Variants in SPOCK1 observed in about 807,000 individuals in gnomAD.
SPOCK1 encodes SPARC (osteonectin), cwcv and kazal like domains proteoglycan 1, also known as testican-1.
In SPOCK1, 23 loss-of-function variants were observed where a neutral mutation model predicts 55.3. That is an observed-to-expected ratio of 0.42 (90% CI 0.30 to 0.59). The LOEUF is 0.59. Ranked by LOEUF, SPOCK1 falls within the 20% of genes least tolerant of loss-of-function variation. The pLI, the probability that SPOCK1 is intolerant of heterozygous loss-of-function variation, is 0.22. For missense variants in SPOCK1, 499 were observed against 552.5 expected, an observed-to-expected ratio of 0.90 and a Z score of 0.97; for synonymous variants, 226 against 221.0, an observed-to-expected ratio of 1.02 and a Z score of -0.20.
intron 2 of SPOCK1, among the ~76,000 whole-genome samples, chr5:137,386,677 A>G (rs1751605006): frequency 6.6e-6 from 1 of 152,208 alleles, no homozygotes; most frequent in South Asian, 2.1e-4. Context: ...TCACAGACCT[A>G]TGTGTAAAAT....
intron 6 of SPOCK1, among the ~76,000 whole-genome samples, chr5:137,032,279 A>G (rs1397911406): frequency 1.3e-5 from 2 of 152,178 alleles, no homozygotes; most frequent in Non-Finnish European, 2.9e-5. Flanking sequence ...GAATCCCAGT[A>G]GGTTAGCGTG....
rs546656648 is a variant in SPOCK1 at position 137,133,418 on chromosome 5, C to T, written c.347+7162G>A. ...TTGTAAAGGGGGACCCCCAGCCTAGCGAATTTGCCTGACAATGTGCAATAT... is the reference window on the plus strand; with the variant it reads ...TTGTAAAGGGGGACCCCCAGCCTAGTGAATTTGCCTGACAATGTGCAATAT... On this transcript the variant is annotated intron_variant, in intron 4 of 10. Transcript: ENST00000394945. Among the ~76,000 whole-genome samples the T allele has an allele frequency of 1.7e-3, 257 of 152,010 alleles. 1 individual carries two copies. The highest frequency in any genetic ancestry group is 5.9e-3 in the African/African-American group (245 of 41,478).
chr5:137,274,388 C>T (rs534408531), intron 2 of SPOCK1, among the ~76,000 whole-genome samples: 1 of 152,322 alleles, frequency 6.6e-6, no homozygotes, highest in African/African-American at 2.4e-5. Context: ...CACTCACCAG[C>T]TATGTGGCCT....
At chr5:137,257,854 T>A (rs1247031239) in intron 3 of SPOCK1, among the ~76,000 whole-genome samples, 1 of 152,122 alleles carries the variant, frequency 6.6e-6, no homozygotes, top group South Asian at 2.1e-4. Context: ...AACACATCCT[T>A]TGAGTGATTT....
chr5:137,356,826 T>TAG (rs1750819003), intron 2 of SPOCK1, among the ~76,000 whole-genome samples: 7 of 19,350 alleles, frequency 3.6e-4, no homozygotes, highest in African/African-American at 7.4e-4. Flanking sequence ...TATATATATA[T>TAG]ATATATATAT....
chr5:136,979,654 G>A (rs115958281), intron 9 of SPOCK1, among the ~76,000 whole-genome samples, 185 bp from the exon 10 acceptor site: 4,074 of 152,234 alleles, frequency 0.027, 58 homozygotes, highest in African/African-American at 0.03. Flanking sequence ...GCCCAAACGC[G>A]ATGAGCTCTA....
intron 4 of SPOCK1, among the ~76,000 whole-genome samples, chr5:137,116,041 G>A (rs1201816171): frequency 6.6e-6 from 1 of 152,154 alleles, no homozygotes; most frequent in Non-Finnish European, 1.5e-5. Flanking sequence ...TTTAGTCTGA[G>A]AGCAGGTTCT....
chr5:137,095,812 C>T (rs922227934), intron 5 of SPOCK1, among the ~76,000 whole-genome samples: 1 of 152,210 alleles, frequency 6.6e-6, no homozygotes, highest in East Asian at 1.9e-4. Flanking sequence ...TTCTGAGTGA[C>T]TGAAATAGCA....
chr5:137,001,067 C>T (rs1488448045), intron 6 of SPOCK1, among the ~76,000 whole-genome samples: 1 of 152,120 alleles, frequency 6.6e-6, no homozygotes. Context: ...GAACGCAGAT[C>T]CCAGTGGTGC....
intron 2 of SPOCK1, among the ~76,000 whole-genome samples, chr5:137,331,861 T>C (rs1370303760): frequency 6.6e-6 from 1 of 152,096 alleles, no homozygotes; most frequent in East Asian, 1.9e-4. Context: ...CATATCAACC[T>C]GCCGCAGCAC....
intron 2 of SPOCK1, among the ~76,000 whole-genome samples, chr5:137,380,101 C>G (rs1751431112): frequency 6.6e-6 from 1 of 152,196 alleles, no homozygotes. Flanking sequence ...AGACCGACAG[C>G]TTGGTGGAGC....
intron 2 of SPOCK1, among the ~76,000 whole-genome samples, chr5:137,346,249 T>C (rs1252349530): frequency 6.6e-6 from 1 of 152,208 alleles, no homozygotes; most frequent in Non-Finnish European, 1.5e-5. Flanking sequence ...CATTTCCTTG[T>C]GGGCCCCTCC....
intron 2 of SPOCK1, among the ~76,000 whole-genome samples, chr5:137,394,642 G>A (rs1751803413): frequency 6.6e-6 from 1 of 152,154 alleles, no homozygotes; most frequent in Non-Finnish European, 1.5e-5. Flanking sequence ...ATCTGAACCA[G>A]AGCCTTACAT....
chr5:137,433,193 A>G (rs1752786233), intron 2 of SPOCK1, among the ~76,000 whole-genome samples: 1 of 152,222 alleles, frequency 6.6e-6, no homozygotes, highest in Non-Finnish European at 1.5e-5. Flanking sequence ...ATGGAGCTGG[A>G]CTTGAAAAAC....
At chr5:137,282,053 G>A (rs756713034) in intron 2 of SPOCK1, among the ~76,000 whole-genome samples, 1 of 152,182 alleles carries the variant, frequency 6.6e-6, no homozygotes, top group Non-Finnish European at 1.5e-5. Context: ...TGAAAATGAG[G>A]GCAATGGTGC....
At position 137,148,975 on chromosome 5, in the gene SPOCK1, TAA is replaced by T. The variant is rs891943735; in HGVS notation, c.233-8283_233-8282del. On this transcript the variant is annotated intron_variant, in intron 3 of 10. Coordinates refer to ENST00000394945, the MANE Select transcript of SPOCK1 (RefSeq NM_004598.4). ...GATTCATGTTACCCAGAAGACCTCA[TAA>T]AAAAAGACTTCCTGTGAAAAAAAAA... Among the ~76,000 whole-genome samples, 3 of 151,614 alleles carry T rather than the reference TAA, an allele frequency of 2.0e-5. No individual in the cohort carries two copies. The South Asian group carries it at 6.3e-4, about 32-fold the overall frequency.
At chr5:137,429,583 T>G (rs1025428576) in intron 2 of SPOCK1, among the ~76,000 whole-genome samples, 11 of 152,202 alleles carry the variant, frequency 7.2e-5, no homozygotes, top group Non-Finnish European at 1.6e-4. Flanking sequence ...TAAGTATGAT[T>G]TGGCTTAGCA....
chr5:137,361,566 T>C (rs892444348), intron 2 of SPOCK1, among the ~76,000 whole-genome samples: 6 of 152,174 alleles, frequency 3.9e-5, no homozygotes, highest in Non-Finnish European at 8.8e-5. Context: ...GAAATAAAAT[T>C]ATTTAAACAA....
chr5:137,277,089 ACTGTAAC>A (rs1757081996), intron 2 of SPOCK1, among the ~76,000 whole-genome samples: 1 of 152,126 alleles, frequency 6.6e-6, no homozygotes, highest in Non-Finnish European at 1.5e-5. Flanking sequence ...ATTGTAGGTC[ACTGTAAC>A]CTGGAACTCC....
Sources: gnomAD v4.1 joint callset for allele counts (sites outside exome capture counted in the v4.1 genomes callset) on GRCh38, gnomAD v4.1.1 for gene constraint, MANE v1.5 for transcripts, NCBI Gene and HGNC (gene_info 2026-07-23, HGNC 2026-07-21) for gene names.